The following CTNNA3 variants were observed in gnomAD, a reference collection of about 807,000 sequenced individuals.
The protein encoded by CTNNA3 is catenin alpha-3.
In CTNNA3, 76 loss-of-function variants were observed where a neutral mutation model predicts 95.7. The observed-to-expected ratio is 0.79, with a 90% CI of 0.66 to 0.96. The LOEUF (loss-of-function observed/expected upper bound fraction) is 0.96, where lower values mean the gene tolerates loss of function less well. Ranked by LOEUF, CTNNA3 falls within the 40% of genes least tolerant of loss-of-function variation. The pLI is 0.00. For synonymous variants in CTNNA3, 431 were observed against 374.4 expected, an observed-to-expected ratio of 1.15 and a Z score of -1.74; for missense variants, 1,191 against 1,089.8, an observed-to-expected ratio of 1.09 and a Z score of -1.31.
chr10:66,091,892 C>A (rs772797668), intron 14 of CTNNA3, among the ~76,000 whole-genome samples: 1 of 151,832 alleles, frequency 6.6e-6, no homozygotes, highest in Non-Finnish European at 1.5e-5. Flanking sequence ...TAGAAGGTTG[C>A]AAAATAATAA....
intron 7 of CTNNA3, among the ~76,000 whole-genome samples, chr10:66,897,092 A>G (rs1163967451): frequency 1.3e-5 from 2 of 152,274 alleles, no homozygotes; most frequent in Non-Finnish European, 2.9e-5. Context: ...GAGATTACCC[A>G]TCCTGAATCC....
At chr10:66,897,145 A>G (rs911718964) in intron 7 of CTNNA3, among the ~76,000 whole-genome samples, 5 of 152,196 alleles carry the variant, frequency 3.3e-5, no homozygotes, top group Admixed American at 6.6e-5. Flanking sequence ...TGTGAAAAAA[A>G]TGAGAAATAT....
intron 12 of CTNNA3, among the ~76,000 whole-genome samples, chr10:66,302,526 G>A (rs774520163): frequency 2.0e-5 from 3 of 152,060 alleles, no homozygotes; most frequent in Non-Finnish European, 2.9e-5. Flanking sequence ...CTATGAAGAC[G>A]TGATAACTAA....
At chr10:66,489,716 C>T (rs1306881457) in intron 11 of CTNNA3, among the ~76,000 whole-genome samples, 1 of 152,138 alleles carries the variant, frequency 6.6e-6, no homozygotes, top group African/African-American at 2.4e-5. Context: ...TTATGAAGAA[C>T]TTTGCTGTGC....
chr10:66,458,166 C>T (rs1048839406), intron 11 of CTNNA3, among the ~76,000 whole-genome samples: 19 of 152,114 alleles, frequency 1.2e-4, no homozygotes, highest in African/African-American at 4.3e-4. Context: ...AATTGTATGT[C>T]AATGTTTGTA....
rs564120023 is a variant in CTNNA3, at chr10:66,625,686, C to A, written c.1282-3902G>T. ...TTACAGCCATGTGCCATGGCACTGA[C>A]CCCTAGTTCCAGTTCTGTATACTAG... is the stretch of plus-strand genomic sequence containing the variant. On this transcript the variant is annotated intron_variant, in intron 9 of 17. Coordinates refer to ENST00000433211, the MANE Select transcript of CTNNA3 (RefSeq NM_013266.4). Among the ~76,000 whole-genome samples the A allele has an allele frequency of 3.3e-5, 5 of 152,140 alleles. 1 individual carries two copies. The highest frequency in any genetic ancestry group is 2.0e-4 in the Admixed American group (3 of 15,266).
chr10:67,234,182 A>G (rs987965377), intron 5 of CTNNA3, among the ~76,000 whole-genome samples: 1 of 152,222 alleles, frequency 6.6e-6, no homozygotes, highest in African/African-American at 2.4e-5. Context: ...CATCATCCTG[A>G]TACCAAAGCC....
At chr10:66,603,806 A>C (rs527651786) in intron 10 of CTNNA3, among the ~76,000 whole-genome samples, 1 of 152,308 alleles carries the variant, frequency 6.6e-6, no homozygotes, top group African/African-American at 2.4e-5. Context: ...TTTTGACAAG[A>C]GTGCCAAAAG....
chr10:66,617,117 A>C (rs191062628), intron 10 of CTNNA3, among the ~76,000 whole-genome samples: 79 of 152,100 alleles, frequency 5.2e-4, no homozygotes, highest in African/African-American at 1.7e-3. Context: ...GACTTCATGA[A>C]CTTTCTGTGT....
intron 11 of CTNNA3, among the ~76,000 whole-genome samples, chr10:66,413,295 G>T (rs922581942): frequency 6.6e-6 from 1 of 152,024 alleles, no homozygotes; most frequent in Non-Finnish European, 1.5e-5. Flanking sequence ...TACCACTCCG[G>T]ATTTACTGGA....
At chr10:66,094,304 C>T (rs954551807) in intron 14 of CTNNA3, among the ~76,000 whole-genome samples, 1 of 152,036 alleles carries the variant, frequency 6.6e-6, no homozygotes, top group Non-Finnish European at 1.5e-5. Flanking sequence ...CAAATGAGAG[C>T]AGACCCTGAA....
chr10:67,499,328 G>A (rs556046998), intron 5 of CTNNA3, among the ~76,000 whole-genome samples: 162 of 152,232 alleles, frequency 1.1e-3, no homozygotes, highest in African/African-American at 3.7e-3. Flanking sequence ...TGCTGGATTC[G>A]GTTTGCCAGT....
chr10:67,165,006 G>T (rs1861698481), intron 7 of CTNNA3, among the ~76,000 whole-genome samples: 1 of 152,026 alleles, frequency 6.6e-6, no homozygotes, highest in Admixed American at 6.6e-5. Context: ...CACACTTGTG[G>T]GTGTTTCTCT....
intron 12 of CTNNA3, among the ~76,000 whole-genome samples, chr10:66,310,352 C>T (rs569420913): frequency 1.9e-4 from 29 of 152,128 alleles, no homozygotes; most frequent in South Asian, 1.5e-3. Context: ...TTGATTTATC[C>T]GATATCATAT....
chr10:67,509,239 T>G lies in CTNNA3; in HGVS notation c.579+12603A>C, dbSNP rs546419301. ...TAAGTTCTAGGGTACATGTGCACAA[T>G]GTGCAGGTTTGTTACATAGGTATAC... On this transcript the variant is annotated intron_variant, in intron 5 of 17. Coordinates refer to ENST00000433211, the MANE Select transcript of CTNNA3 (RefSeq NM_013266.4). Among the ~76,000 whole-genome samples the G allele has an allele frequency of 3.9e-5, 6 of 151,930 alleles. No individual in the cohort carries two copies. In the South Asian group the frequency reaches 6.2e-4, roughly 16 times the overall value.
At chr10:66,003,721 A>AT (rs376780036) in intron 15 of CTNNA3, among the ~76,000 whole-genome samples, 5 of 152,286 alleles carry the variant, frequency 3.3e-5, no homozygotes, top group South Asian at 2.1e-4. Context: ...AAGATTTAAT[A>AT]TTTTTTTGTG....
At chr10:66,216,302 A>G (rs1156454764) in intron 13 of CTNNA3, among the ~76,000 whole-genome samples, 1 of 152,240 alleles carries the variant, frequency 6.6e-6, no homozygotes, top group Non-Finnish European at 1.5e-5. Context: ...ACAAATCAAG[A>G]TCAACAGTAC....
rs1847678580 is a variant in CTNNA3, at chr10:66,694,390, CA to C, written c.1281+71873del. ...AAATGGATAAATTCCTCGACACATA[CA>C]CCCTCCCAAGACGAAACCAAGAAGA... On this transcript the variant is annotated intron_variant, in intron 9 of 17. Transcript: ENST00000433211. Among the ~76,000 whole-genome samples, 3 of 152,250 alleles carry C rather than the reference CA, an allele frequency of 2.0e-5. No homozygotes were observed. The South Asian group carries it at 6.2e-4, about 32-fold the overall frequency.
chr10:67,608,378 A>G (rs1471523359), intron 2 of CTNNA3, among the ~76,000 whole-genome samples: 1 of 152,138 alleles, frequency 6.6e-6, no homozygotes, highest in Non-Finnish European at 1.5e-5. Flanking sequence ...ATTATTTGAT[A>G]TTTTGGAGAT....
Sources: gnomAD v4.1 joint callset for allele counts (sites outside exome capture counted in the v4.1 genomes callset) on GRCh38, gnomAD v4.1.1 for gene constraint, MANE v1.5 for transcripts, NCBI Gene and HGNC (gene_info 2026-07-23, HGNC 2026-07-21) for gene names.